KDM2B: variants seen among roughly 807,000 people sequenced by gnomAD.
KDM2B encodes the protein lysine demethylase 2B.
A neutral mutation model predicts 150.0 loss-of-function variants in KDM2B; 26 were observed. The ratio of observed to expected loss-of-function variants is 0.17; its 90% CI spans 0.13 to 0.24. The LOEUF (loss-of-function observed/expected upper bound fraction) is 0.24, where lower values mean the gene tolerates loss of function less well. KDM2B is among the 10% of genes least tolerant of loss of function. The pLI is 1.00. For synonymous variants in KDM2B, 734 were observed against 729.5 expected (o/e 1.01, Z -0.10); for missense variants, 1,265 against 1,816.9 (o/e 0.70, Z 5.52).
intron 11 of KDM2B, among the ~76,000 whole-genome samples, chr12:121,507,147 G>A (rs1366073282): frequency 6.8e-6 from 1 of 147,432 alleles, no homozygotes; most frequent in East Asian, 2.0e-4. Flanking sequence ...TGAGCTAAGT[G>A]ACTAGGTTAT....
intron 12 of KDM2B, among the ~76,000 whole-genome samples, chr12:121,473,739 G>A (rs1555296284): frequency 7.0e-6 from 1 of 142,292 alleles, no homozygotes; most frequent in Non-Finnish European, 1.5e-5. Flanking sequence ...AAAAAAGAGA[G>A]AGAGAGAGAG....
the KDM2B span, among the ~76,000 whole-genome samples, chr12:121,421,400 C>CAAAAAA: frequency 8.6e-5 from 8 of 92,656 alleles, no homozygotes; most frequent in Non-Finnish European, 1.7e-4. Context: ...AAAAAAAAAC[C>CAAAAAA]AAAAAAACCT....
chr12:121,549,782 C>T lies in KDM2B; in HGVS notation c.398-144G>A, dbSNP rs75732438. 5.8e-4 allele frequency: 405 copies of T among 692,626 alleles called. 4 individuals carry two copies. In the East Asian group the frequency reaches 0.011, roughly 19 times the overall value. 42.9% of individuals were successfully genotyped at this position (692,626 alleles called of 1,614,324 possible). On this transcript the variant is annotated intron_variant, in intron 4 of 22. Coordinates refer to ENST00000377071, the MANE Select transcript of KDM2B (RefSeq NM_032590.5). The surrounding 1 kb of genome is among the most constrained non-coding windows in gnomAD (Gnocchi z 4.4). ...TTCCTCATCTGTTCAATTACCTCAC[C>T]CCATCGGCTTTCCTTCTGGGATCTG...
intron 4 of KDM2B, among the ~76,000 whole-genome samples, chr12:121,572,828 T>C (rs1240740368): frequency 2.1e-4 from 32 of 149,126 alleles, no homozygotes; most frequent in African/African-American, 7.9e-4. Flanking sequence ...ATAAATTTTT[T>C]TTTTTTTTTT....
Position 121,443,741 on chromosome 12 carries a change from G to C in KDM2B, c.2504C>G (p.Pro835Arg). ...PGSSSHLSPR[P>R]PLGSSLSPWW... Reference sequence around the variant, plus strand: ...GGGGCTGAGGCTGCTGCCTAGAGGGGGCCTCGGCGAGAGGTGAGAGGAGGA... The same window carrying C: ...GGGGCTGAGGCTGCTGCCTAGAGGGCGCCTCGGCGAGAGGTGAGAGGAGGA... The change falls in exon 17 of 23, where the codon CCC becomes CGC. Residue 835 changes from proline to arginine, a missense_variant. Transcript: ENST00000377071. 6.2e-7 allele frequency: 1 copy of C among 1,611,312 alleles called. No individual in the cohort carries two copies. The highest frequency in any genetic ancestry group is 8.5e-7 in the Non-Finnish European group (1 of 1,179,582).
chr12:121,511,253 C>T (rs1380800223), intron 10 of KDM2B, among the ~76,000 whole-genome samples: 2 of 151,354 alleles, frequency 1.3e-5, no homozygotes, highest in Non-Finnish European at 2.9e-5. Flanking sequence ...CAGGGATCCA[C>T]CCGCCTCGGC....
chr12:121,446,160 C>T (rs1876153731), intron 13 of KDM2B, among the ~76,000 whole-genome samples: 1 of 152,178 alleles, frequency 6.6e-6, no homozygotes, highest in African/African-American at 2.4e-5. Context: ...CTTTGGGAGG[C>T]CAAGGCGGGC....
At chr12:121,413,215 C>T in the KDM2B span, among the ~76,000 whole-genome samples, 9 of 151,474 alleles carry the variant, frequency 5.9e-5, no homozygotes, top group South Asian at 2.1e-4. Context: ...TTAGTAGAGA[C>T]GGCGTTTCGC....
chr12:121,534,696 A>C, intron 6 of KDM2B, 106 bp from the exon 7 acceptor site: 1 of 760,462 alleles, frequency 1.3e-6, no homozygotes, highest in Non-Finnish European at 2.2e-6. Context: ...ATAAACGCTG[A>C]CGCTGGGGAA....
the KDM2B span, among the ~76,000 whole-genome samples, chr12:121,415,738 G>A: frequency 1.3e-5 from 2 of 151,676 alleles, no homozygotes; most frequent in Admixed American, 1.3e-4. Flanking sequence ...ATGTTGCCAG[G>A]TAAAATACAG....
At chr12:121,509,458 TCAGAG>T in intron 11 of KDM2B, 104 bp downstream of exon 11, 1 of 1,509,390 alleles carries the variant, frequency 6.6e-7, no homozygotes, top group Non-Finnish European at 8.8e-7. Flanking sequence ...ACCCGAATGC[TCAGAG>T]CAATCTGCAC....
intron 12 of KDM2B, among the ~76,000 whole-genome samples, chr12:121,465,347 C>A (rs1156976094): frequency 2.6e-5 from 4 of 152,202 alleles, no homozygotes; most frequent in Admixed American, 1.3e-4. Flanking sequence ...GATTCTCCTG[C>A]CTCAGCCTCC....
intron 4 of KDM2B, among the ~76,000 whole-genome samples, chr12:121,554,426 CAA>C (rs1190543366): frequency 6.8e-6 from 1 of 147,974 alleles, no homozygotes; most frequent in African/African-American, 2.5e-5. Flanking sequence ...TTTTTTGAGA[CAA>C]AGTCTCTCTT....
At chr12:121,551,344 C>CTTTTT (rs1176650753) in intron 4 of KDM2B, among the ~76,000 whole-genome samples, 1 of 130,940 alleles carries the variant, frequency 7.6e-6, no homozygotes, top group Non-Finnish European at 1.7e-5. Flanking sequence ...AGATTCCATT[C>CTTTTT]TTTTTTTTTT....
rs1885401664 is a variant in KDM2B, at chr12:121,509,560, T to C, written c.1647+7A>G. 1 of 1,610,878 alleles carries C rather than the reference T, an allele frequency of 6.2e-7. No homozygotes were observed. Among genetic ancestry groups the C allele is most frequent in the Non-Finnish European group, 8.5e-7 (1 of 1,178,684 alleles). ...GCCGCCCAGCCCCAGACGCCACTCCTGCCCACCTTCACACCCTCCAGGAGT... is the reference window on the plus strand; with the variant it reads ...GCCGCCCAGCCCCAGACGCCACTCCCGCCCACCTTCACACCCTCCAGGAGT... On this transcript the variant is annotated splice_region_variant and intron_variant, in intron 11 of 22. Transcript: ENST00000377071.
intron 13 of KDM2B, among the ~76,000 whole-genome samples, chr12:121,447,994 T>C (rs1408109040): frequency 1.3e-5 from 2 of 151,884 alleles, no homozygotes; most frequent in South Asian, 2.1e-4. Flanking sequence ...ATGGGTTTTC[T>C]TGTTATTTTA....
intron 21 of KDM2B, 149 bp downstream of exon 21, chr12:121,440,667 C>T (rs1274142653): frequency 1.3e-6 from 1 of 766,446 alleles, no homozygotes; most frequent in Non-Finnish European, 2.1e-6. Flanking sequence ...TCCCAGATCC[C>T]CTCTGTGCCT....
At chr12:121,435,952 C>T (rs1873907472) in intron 22 of KDM2B, among the ~76,000 whole-genome samples, 1 of 152,126 alleles carries the variant, frequency 6.6e-6, no homozygotes, top group Admixed American at 6.5e-5. Context: ...AGCATTCAAG[C>T]TGAGGAGGGC....
At chr12:121,446,330 A>G (rs12579582) in intron 13 of KDM2B, among the ~76,000 whole-genome samples, 87,653 of 152,084 alleles carry the variant, frequency 0.58, 25,785 homozygotes, top group African/African-American at 0.69. Context: ...CCCGGAAGAC[A>G]GAGGTTGCAG....
Sources: gnomAD v4.1 joint callset for allele counts (sites outside exome capture counted in the v4.1 genomes callset) on GRCh38, gnomAD v4.1.1 for gene constraint, Gnocchi (gnomAD v3.1) non-coding constraint, MANE v1.5 for transcripts, NCBI Gene and HGNC (gene_info 2026-07-23, HGNC 2026-07-21) for gene names.